The following GPR158 variants were observed in gnomAD, a reference collection of about 807,000 sequenced individuals.
The protein encoded by GPR158 is metabotropic glycine receptor.
Under a neutral mutation model 78.2 loss-of-function variants are expected in GPR158, and 30 were observed. That is an observed-to-expected ratio of 0.38 (90% CI 0.29 to 0.52). GPR158 has a LOEUF of 0.52. Ranked by LOEUF, GPR158 falls within the 20% of genes least tolerant of loss-of-function variation. GPR158 has a pLI of 0.83. For synonymous variants in GPR158, 581 were observed against 591.1 expected (o/e 0.98, Z 0.25); for missense variants, 1,463 against 1,523.5 (o/e 0.96, Z 0.66).
At chr10:25,192,243 A>T (rs746784498) in intron 1 of GPR158, among the ~76,000 whole-genome samples, 1 of 152,132 alleles carries the variant, frequency 6.6e-6, no homozygotes, top group African/African-American at 2.4e-5. Context: ...CTGCCACCTT[A>T]TGAAGAAGGT....
At chr10:25,539,521 ATTTT>A (rs35477926) in intron 5 of GPR158, among the ~76,000 whole-genome samples, 3 of 141,450 alleles carry the variant, frequency 2.1e-5, no homozygotes, top group Non-Finnish European at 4.6e-5. Flanking sequence ...ACCCCTTTTA[ATTTT>A]TTTTTTTTTT....
chr10:25,352,036 A>G (rs990848627), intron 2 of GPR158, among the ~76,000 whole-genome samples: 2 of 136,816 alleles, frequency 1.5e-5, no homozygotes, highest in African/African-American at 5.1e-5. Context: ...GAACCACTCA[A>G]ATACATACTT....
At chr10:25,499,448 C>T (rs148669396) in intron 5 of GPR158, among the ~76,000 whole-genome samples, 1 of 152,176 alleles carries the variant, frequency 6.6e-6, no homozygotes, top group East Asian at 1.9e-4. Flanking sequence ...GAGGCTTCTT[C>T]CTGCTCTGTG....
chr10:25,500,277 A>C (rs1330424877), intron 5 of GPR158, among the ~76,000 whole-genome samples: 1 of 152,184 alleles, frequency 6.6e-6, no homozygotes, highest in Non-Finnish European at 1.5e-5. Flanking sequence ...GGAGCTGGAG[A>C]CTTCTTTAAA....
At chr10:25,500,658 T>G (rs1219423957) in intron 5 of GPR158, among the ~76,000 whole-genome samples, 2 of 152,230 alleles carry the variant, frequency 1.3e-5, no homozygotes, top group Non-Finnish European at 2.9e-5. Context: ...TTTTTCTCTG[T>G]TTTCTTTGCT....
At chr10:25,529,841 T>G (rs1227572337) in intron 5 of GPR158, among the ~76,000 whole-genome samples, 2 of 152,192 alleles carry the variant, frequency 1.3e-5, no homozygotes, top group Non-Finnish European at 2.9e-5. Flanking sequence ...CAGGCCTTGG[T>G]TCCAGTGCCT....
In GPR158 at chr10:25,476,503, C is replaced by T. The variant is rs577906256; in HGVS notation, c.1404+9784C>T. ...ATACTTACGTTCAGGTTGTTCCTCC[C>T]TACCCCGGTCTTATAAGAAGAATTG... On this transcript the variant is annotated intron_variant, in intron 5 of 10. Transcript: ENST00000376351. Among the ~76,000 whole-genome samples the T allele has an allele frequency of 1.3e-4, 17 of 133,208 alleles. No individual in the cohort carries two copies. In the East Asian group the frequency reaches 4.3e-3, roughly 34 times the overall value. The allele number at this position is 133,208 out of a possible 152,430, so 87.4% of individuals were successfully genotyped here.
At chr10:25,262,198 AG>A (rs1194706910) in intron 2 of GPR158, among the ~76,000 whole-genome samples, 15 of 152,188 alleles carry the variant, frequency 9.9e-5, no homozygotes, top group Non-Finnish European at 8.8e-5. Context: ...CAGGAATGAT[AG>A]ACTTCTCTTG....
At chr10:25,232,595 C>T (rs1169378988) in intron 2 of GPR158, among the ~76,000 whole-genome samples, 1 of 152,084 alleles carries the variant, frequency 6.6e-6, no homozygotes, top group Non-Finnish European at 1.5e-5. Flanking sequence ...TTCACCAAGA[C>T]GTTTATGTGT....
At chr10:25,275,491 A>G (rs1399095834) in intron 2 of GPR158, among the ~76,000 whole-genome samples, 2 of 152,210 alleles carry the variant, frequency 1.3e-5, no homozygotes, top group Non-Finnish European at 2.9e-5. Context: ...TTACTTTCCT[A>G]TCGGTAACAA....
intron 4 of GPR158, among the ~76,000 whole-genome samples, chr10:25,414,577 A>T (rs373547258): frequency 6.6e-6 from 1 of 152,178 alleles, no homozygotes; most frequent in Non-Finnish European, 1.5e-5. Context: ...TGTGATTTCA[A>T]TTGCTAAAAG....
chr10:25,325,528 C>T (rs557131398), intron 2 of GPR158, among the ~76,000 whole-genome samples: 31 of 152,132 alleles, frequency 2.0e-4, no homozygotes, highest in African/African-American at 7.5e-4. Context: ...TCCATGGATA[C>T]TTAGGTTGAT....
At chr10:25,420,067 T>G (rs1834728244) in intron 4 of GPR158, among the ~76,000 whole-genome samples, 1 of 152,204 alleles carries the variant, frequency 6.6e-6, no homozygotes, top group Non-Finnish European at 1.5e-5. Context: ...AATCTCTTAC[T>G]AGATATATGG....
At chr10:25,384,892 C>T (rs1371091390) in intron 2 of GPR158, among the ~76,000 whole-genome samples, 2 of 152,012 alleles carry the variant, frequency 1.3e-5, no homozygotes, top group Non-Finnish European at 2.9e-5. Context: ...TGCAATACGA[C>T]CTTTAATGTT....
rs138646719 is a variant in GPR158, at chr10:25,497,534, C to T, written c.1404+30815C>T. ...AAGAGATATTTTAGTCTAGTACTAG[C>T]GTGTAGACAGATTGGAACAAGTATG... is the stretch of plus-strand genomic sequence containing the variant. On this transcript the variant is annotated intron_variant, in intron 5 of 10. Transcript: ENST00000376351. Among the ~76,000 whole-genome samples, 1,323 of 152,062 alleles carry T rather than the reference C, an allele frequency of 8.7e-3. 12 individuals carry two copies. Among genetic ancestry groups the T allele is most frequent in the Middle Eastern group, 0.037 (11 of 294 alleles).
chr10:25,232,730 G>A (rs1291938270), intron 2 of GPR158, among the ~76,000 whole-genome samples: 8 of 152,102 alleles, frequency 5.3e-5, no homozygotes, highest in Non-Finnish European at 1.0e-4. Context: ...ACTTGAAAAC[G>A]CTTTTGTCCT....
chr10:25,532,202 G>A (rs1228968914), intron 5 of GPR158, among the ~76,000 whole-genome samples: 1 of 152,208 alleles, frequency 6.6e-6, no homozygotes, highest in Non-Finnish European at 1.5e-5. Context: ...ACCCTAAAGA[G>A]AAAGAGGTGG....
chr10:25,514,227 C>T (rs548047586), intron 5 of GPR158, among the ~76,000 whole-genome samples: 14 of 152,060 alleles, frequency 9.2e-5, no homozygotes, highest in East Asian at 3.9e-4. Flanking sequence ...GATATTTTCC[C>T]GTTGGACACT....
intron 7 of GPR158, among the ~76,000 whole-genome samples, chr10:25,584,124 A>AGCCCTATTT (rs11282471): frequency 0.35 from 53,809 of 151,734 alleles, 9,605 homozygotes; most frequent in East Asian, 0.49. Flanking sequence ...AGTTTCTGAA[A>AGCCCTATTT]GGATCTCGAA....
Sources: allele counts gnomAD v4.1 joint callset (sites outside exome capture counted in the v4.1 genomes callset), GRCh38; gene constraint gnomAD v4.1.1; transcripts MANE v1.5; gene names NCBI Gene and HGNC (gene_info 2026-07-23, HGNC 2026-07-21).